Variants in ZP3 observed in about 807,000 individuals in gnomAD.
ZP3 encodes the protein zona pellucida sperm-binding protein 3.
Under a neutral mutation model 35.6 loss-of-function variants are expected in ZP3, and 21 were observed. The ratio of observed to expected loss-of-function variants is 0.59; its 90% CI spans 0.42 to 0.85. The LOEUF (loss-of-function observed/expected upper bound fraction) is 0.85, where lower values mean the gene tolerates loss of function less well. Ranked by LOEUF, ZP3 falls within the 40% of genes least tolerant of loss-of-function variation. The pLI is 0.00. For missense variants in ZP3, 437 were observed against 536.5 expected, an observed-to-expected ratio of 0.81 and a Z score of 1.83; for synonymous variants, 207 against 214.5, an observed-to-expected ratio of 0.96 and a Z score of 0.31.
intron 1 of ZP3, among the ~76,000 whole-genome samples, chr7:76,412,187 C>CAAAAAAA (rs200042424): frequency 1.3e-5 from 1 of 79,580 alleles, no homozygotes; most frequent in African/African-American, 3.7e-5. Flanking sequence ...GACTCTGTCT[C>CAAAAAAA]AAAAAAAAAA....
At position 76,416,947 on chromosome 7, in the gene ZP3, T is replaced by TATATATACACATACATATGTATACATAC. The variant is rs1805390443; in HGVS notation, c.-66-8098_-66-8097insCACATACATATGTATACATACATATATA. Among the ~76,000 whole-genome samples the TATATATACACATACATATGTATACATAC allele has an allele frequency of 4.7e-4, 7 of 15,024 alleles. No homozygotes were observed. The South Asian group carries it at 0.014, about 30-fold the overall frequency. The allele number at this position is 15,024 out of a possible 152,430, so 9.9% of individuals were successfully genotyped here. The stretch of plus-strand genomic sequence containing the variant: ...ATACACATACATATGTATACATACA[T>TATATATACACATACATATGTATACATAC]ATATATATATATATATATATATATA... On this transcript the variant is annotated intron_variant, in intron 1 of 8. Coordinates refer to the ZP3 transcript ENST00000336517.
At chr7:76,429,273 T>C (rs1440504189) in intron 1 of ZP3, 2 of 488,706 alleles carry the variant, frequency 4.1e-6, no homozygotes, top group Non-Finnish European at 3.8e-6. Context: ...TGGCAGAGCC[T>C]GTGTTCTCTT....
At chr7:76,423,021 G>GAAAGAAAGAAAGAAAGAAAGAAAGAA, upstream of ZP3, among the ~76,000 whole-genome samples, 1 of 72,832 alleles carries the variant, frequency 1.4e-5, no homozygotes, top group Non-Finnish European at 2.6e-5. Flanking sequence ...GAGAGAGAGA[G>GAAAGAAAGAAAGAAAGAAAGAAAGAA]AGAGAGAAAG....
rs367854883 is a variant in ZP3, at chr7:76,440,246, G to A, written c.832-4G>A. Reference sequence around the variant, plus strand: ...GGCCTGGAAATAGCTGTTATTCCTTGCAGATATACATCACCTGCCACCTGA... The same window carrying A: ...GGCCTGGAAATAGCTGTTATTCCTTACAGATATACATCACCTGCCACCTGA... On this transcript the variant is annotated splice_polypyrimidine_tract_variant and splice_region_variant and intron_variant, in intron 5 of 7. Transcript: ENST00000394857. The A allele has an allele frequency of 3.7e-6, 6 of 1,608,036 alleles. No individual in the cohort carries two copies. In the African/African-American group the frequency reaches 6.7e-5, roughly 18 times the overall value.
rs1805612656 is a variant in ZP3 at position 76,425,156 on chromosome 7, G to C, written c.192G>C (p.Lys64Asn). ...GCAAAGACCTTTTTGGCACCGGGAAGCTCATCAGGGCTGCTGACCTCACCT... is the reference window on the plus strand; with the variant it reads ...GCAAAGACCTTTTTGGCACCGGGAACCTCATCAGGGCTGCTGACCTCACCT... The part of the protein sequence containing the change: ...MVSKDLFGTG[K>N]LIRAADLTLG... Residue 64 changes from lysine (K) to asparagine (N), a missense_variant, in exon 1 of 8, where the codon AAG (lysine) becomes AAC (asparagine). Transcript: ENST00000394857. The C allele has an allele frequency of 6.2e-7, 1 of 1,613,928 alleles. No homozygotes were observed. Among genetic ancestry groups the C allele is most frequent in the Non-Finnish European group, 8.5e-7 (1 of 1,180,036 alleles).
chr7:76,423,131 A>T (rs1805565691), upstream of ZP3, among the ~76,000 whole-genome samples: 1 of 151,482 alleles, frequency 6.6e-6, no homozygotes, highest in African/African-American at 2.4e-5. Flanking sequence ...ACAAAGCTTC[A>T]TTGGAGCTTA....
Position 76,431,424 on chromosome 7 carries a change from T to C in ZP3, c.432-1503T>C, listed in dbSNP as rs150353228. ...ATGCTTTAACCTGGCTCCAGATACCTGAGTCTGGTTATCAATAGATGCATC... is the reference window on the plus strand; with the variant it reads ...ATGCTTTAACCTGGCTCCAGATACCCGAGTCTGGTTATCAATAGATGCATC... On this transcript the variant is annotated intron_variant, in intron 2 of 7. Transcript: ENST00000394857. Among the ~76,000 whole-genome samples, 99 of 152,304 alleles carry C rather than the reference T, an allele frequency of 6.5e-4. 1 individual carries two copies. Among genetic ancestry groups the C allele is most frequent in the African/African-American group, 2.4e-3 (98 of 41,584 alleles).
chr7:76,405,281 A>ATATATATG (rs1804965852), intron 1 of ZP3, among the ~76,000 whole-genome samples: 1 of 29,776 alleles, frequency 3.4e-5, no homozygotes, highest in Non-Finnish European at 5.5e-5. Flanking sequence ...TTATATATAT[A>ATATATATG]TATATATATA....
intron 1 of ZP3, among the ~76,000 whole-genome samples, chr7:76,411,846 A>G (rs1432054595): frequency 6.6e-6 from 1 of 152,228 alleles, no homozygotes; most frequent in African/African-American, 2.4e-5. Context: ...AAAAACCAGT[A>G]TGTGAATGCT....
rs574417097 is a variant in ZP3 at position 76,425,215 on chromosome 7, T to A, written c.251T>A (p.Met84Lys). ...GPEACEPLVS[M>K]DTEDVVRFEV... ...GAGGCCTGTGAGCCTCTGGTCTCCA[T>A]GGACACAGAAGATGTGGTCAGGTTT... The change falls in exon 1 of 8, where the codon ATG becomes AAG. Residue 84 changes from methionine to lysine, a missense_variant. Transcript: ENST00000394857. 1 of 1,613,752 alleles carries A rather than the reference T, an allele frequency of 6.2e-7. No individual in the cohort carries two copies. Among genetic ancestry groups the A allele is most frequent in the Non-Finnish European group, 8.5e-7 (1 of 1,180,002 alleles).
Position 76,425,049 on chromosome 7 carries a change from C to A in ZP3, c.85C>A (p.Gln29Lys), listed in dbSNP as rs781643945. The change falls in exon 1 of 8, where the codon CAG becomes AAG. Residue 29 changes from glutamine (Q) to lysine (K), a missense_variant. By Grantham distance (53) the Gln-to-Lys change is moderately conservative (BLOSUM62 1). Transcript: ENST00000394857. The part of the protein sequence containing the change: ...LCYPQPLWLL[Q>K]GGASHPETSV... ...CTACCCCCAACCCCTCTGGCTCTTG[C>A]AGGGTGGAGCCAGCCATCCTGAGAC... 15 of 1,608,610 alleles carry A rather than the reference C, an allele frequency of 9.3e-6. No individual in the cohort carries two copies. The East Asian group carries it at 3.4e-4, about 36-fold the overall frequency.
intron 5 of ZP3, among the ~76,000 whole-genome samples, chr7:76,437,754 C>T (rs2115938830): frequency 6.6e-6 from 1 of 151,640 alleles, no homozygotes; most frequent in South Asian, 2.1e-4. Flanking sequence ...TGACCTCAGC[C>T]TCCCAAAGTG....
At chr7:76,437,453 A>G (rs1584072880) in intron 5 of ZP3, among the ~76,000 whole-genome samples, 2 of 146,632 alleles carry the variant, frequency 1.4e-5, no homozygotes, top group Non-Finnish European at 3.0e-5. Flanking sequence ...TACAGGCATG[A>G]GCTATCACAC....
At chr7:76,403,020 A>G (rs1207916356) in intron 1 of ZP3, among the ~76,000 whole-genome samples, 1 of 152,198 alleles carries the variant, frequency 6.6e-6, no homozygotes, top group Non-Finnish European at 1.5e-5. Flanking sequence ...TTTATAAGTT[A>G]GGCAGGATTT....
chr7:76,431,182 A>G (rs1444888016), intron 2 of ZP3, among the ~76,000 whole-genome samples: 2 of 152,164 alleles, frequency 1.3e-5, no homozygotes, highest in African/African-American at 2.4e-5. Context: ...GACTCGCAGG[A>G]GCTAAGAGCA....
At chr7:76,432,012 G>A (rs926703696) in intron 2 of ZP3, among the ~76,000 whole-genome samples, 1 of 150,280 alleles carries the variant, frequency 6.7e-6, no homozygotes, top group Admixed American at 6.7e-5. Context: ...TAAAGTATGT[G>A]TGGTGGCTTT....
chr7:76,398,307 CTAT>C (rs1251473006), intron 1 of ZP3, among the ~76,000 whole-genome samples: 8 of 132,780 alleles, frequency 6.0e-5, no homozygotes, highest in Non-Finnish European at 9.7e-5. Context: ...CATTCATTTT[CTAT>C]TTTTTTTTTT....
chr7:76,407,755 G>GCATAA (rs934561259), intron 1 of ZP3, among the ~76,000 whole-genome samples: 23 of 152,118 alleles, frequency 1.5e-4, no homozygotes, highest in African/African-American at 4.6e-4. Context: ...AAAAAAAAGT[G>GCATAA]CATAAACCAT....
intron 5 of ZP3, among the ~76,000 whole-genome samples, chr7:76,436,585 A>G (rs546180857): frequency 6.6e-6 from 1 of 152,212 alleles, no homozygotes; most frequent in Non-Finnish European, 1.5e-5. Context: ...AGATCAACAC[A>G]CAGATCAGTA....
Sources: gnomAD v4.1 joint callset for allele counts (sites outside exome capture counted in the v4.1 genomes callset) on GRCh38, gnomAD v4.1.1 for gene constraint, MANE v1.5 for transcripts, NCBI Gene and HGNC (gene_info 2026-07-23, HGNC 2026-07-21) for gene names.